The following FSTL4 variants were observed in gnomAD, a reference collection of about 807,000 sequenced individuals.
FSTL4 encodes the protein follistatin-related protein 4.
FSTL4 carries 28 observed loss-of-function variants against 78.2 expected under a neutral mutation model. The observed-to-expected ratio is 0.36, with a 90% CI of 0.27 to 0.49. The LOEUF (loss-of-function observed/expected upper bound fraction) is 0.49, where lower values mean the gene tolerates loss of function less well. Among genes scored for constraint, FSTL4 ranks in the 20% least tolerant of loss-of-function variants. The pLI is 0.98. For synonymous variants in FSTL4, 422 were observed against 440.5 expected, an observed-to-expected ratio of 0.96 and a Z score of 0.53; for missense variants, 922 against 1,084.9, an observed-to-expected ratio of 0.85 and a Z score of 2.11.
At chr5:133,837,873 T>A in the FSTL4 span, among the ~76,000 whole-genome samples, 1 of 151,820 alleles carries the variant, frequency 6.6e-6, no homozygotes, top group Non-Finnish European at 1.5e-5. Context: ...GGATTTCCTT[T>A]CTTTATTTTT....
intron 4 of FSTL4, among the ~76,000 whole-genome samples, chr5:133,368,023 A>G (rs1294247177): frequency 6.6e-6 from 1 of 152,272 alleles, no homozygotes; most frequent in Non-Finnish European, 1.5e-5. Context: ...GCCTCTGCAT[A>G]AGAAAGATAC....
chr5:133,368,933 G>C (rs1265132865), intron 4 of FSTL4, among the ~76,000 whole-genome samples: 1 of 152,206 alleles, frequency 6.6e-6, no homozygotes. Flanking sequence ...TTTTCCTAGT[G>C]CCAACTGGCT....
the FSTL4 span, among the ~76,000 whole-genome samples, chr5:133,701,617 G>A: frequency 2.6e-5 from 4 of 151,932 alleles, no homozygotes; most frequent in South Asian, 2.1e-4. Context: ...ACTGTTCATC[G>A]CTGGTTCTTA....
At chr5:133,211,782 T>C (rs1464400249) in intron 13 of FSTL4, among the ~76,000 whole-genome samples, 1 of 152,176 alleles carries the variant, frequency 6.6e-6, no homozygotes, top group Non-Finnish European at 1.5e-5. Context: ...TCTTCTCTCT[T>C]TCACTGGAAT....
At chr5:133,635,645 C>T in the FSTL4 span, among the ~76,000 whole-genome samples, 2 of 152,188 alleles carry the variant, frequency 1.3e-5, no homozygotes, top group African/African-American at 2.4e-5. Flanking sequence ...TGCCTGTAAT[C>T]CCAGCTATTT....
intron 3 of FSTL4, among the ~76,000 whole-genome samples, chr5:133,515,036 G>GA (rs1214264530): frequency 6.6e-6 from 1 of 151,980 alleles, no homozygotes; most frequent in Non-Finnish European, 1.5e-5. Flanking sequence ...CCTAAGAAAA[G>GA]AAAATTAACA....
Position 133,224,257 on chromosome 5 carries a change from G to A in FSTL4, c.1313-41C>T, listed in dbSNP as rs2126792613. 3 of 1,571,510 alleles carry A rather than the reference G, an allele frequency of 1.9e-6. No individual in the cohort carries two copies. In the South Asian group the frequency reaches 3.3e-5, roughly 18 times the overall value. On this transcript the variant is annotated intron_variant, in intron 10 of 15. Transcript: ENST00000265342. ...ATGAGGAAAGCAGGAGTGTGATGGAGTCAAGGAAAAAGAAGAAAGCAGTGT... is the reference window on the plus strand; with the variant it reads ...ATGAGGAAAGCAGGAGTGTGATGGAATCAAGGAAAAAGAAGAAAGCAGTGT...
rs1235540335 is a variant in FSTL4, at chr5:133,400,771, T to C, written c.376A>G (p.Thr126Ala). 1 of 1,613,992 alleles carries C rather than the reference T, an allele frequency of 6.2e-7. No homozygotes were observed. Among genetic ancestry groups the C allele is most frequent in the Non-Finnish European group, 8.5e-7 (1 of 1,180,012 alleles). The change falls in exon 4 of 16, where the codon ACC becomes GCC. Residue 126 changes from threonine (T) to alanine (A), a missense_variant. Physicochemically the swap from Thr to Ala is moderately conservative, Grantham distance 58. Coordinates refer to ENST00000265342, the MANE Select transcript of FSTL4 (RefSeq NM_015082.2). ...RAACLLGKRI[T>A]VIHSKDCFLK... ...AAACAGTCCTTGCTGTGGATGACGG[T>C]GATCCTCTTTCCCAGGAGGCAAGCA...
chr5:133,642,154 G>A, the FSTL4 span, among the ~76,000 whole-genome samples: 1 of 152,138 alleles, frequency 6.6e-6, no homozygotes, highest in Admixed American at 6.5e-5. Flanking sequence ...GTGAGGAAAT[G>A]GGATCAGAGA....
intron 3 of FSTL4, among the ~76,000 whole-genome samples, chr5:133,489,103 C>A (rs573985496): frequency 1.3e-5 from 2 of 152,222 alleles, no homozygotes; most frequent in Non-Finnish European, 2.9e-5. Flanking sequence ...GGTGCCACTA[C>A]TAATCAGGCC....
Position 133,603,931 on chromosome 5 carries a change from G to A in FSTL4, c.53C>T (p.Pro18Leu), listed in dbSNP as rs908432319. 21 of 1,613,148 alleles carry A rather than the reference G, an allele frequency of 1.3e-5. No homozygotes were observed. The highest frequency in any genetic ancestry group is 2.2e-5 in the East Asian group (1 of 44,888). The change falls in exon 2 of 16, where the codon CCG (proline) becomes CTG (leucine). Residue 18 changes from proline (P) to leucine (L), a missense_variant. Coordinates refer to ENST00000265342, the MANE Select transcript of FSTL4 (RefSeq NM_015082.2). Reference protein sequence around the residue: ...LHLTLLGASLPAALGWMDPGT... With the variant: ...LHLTLLGASLLAALGWMDPGT... Reference sequence around the variant, plus strand: ...TGGGTCCATCCATCCCAGCGCAGCCGGCAGGGAGGCTCCGAGCAGTGTGAG... The same window carrying A: ...TGGGTCCATCCATCCCAGCGCAGCCAGCAGGGAGGCTCCGAGCAGTGTGAG...
the FSTL4 span, among the ~76,000 whole-genome samples, chr5:133,729,290 T>C: frequency 4.6e-5 from 7 of 152,006 alleles, no homozygotes; most frequent in Admixed American, 1.3e-4. Flanking sequence ...GCCATATAAC[T>C]GAAGGGCTTT....
Position 133,225,149 on chromosome 5 carries a change from C to T in FSTL4, c.1312+1G>A. The T allele has an allele frequency of 1.2e-6, 2 of 1,614,190 alleles. No homozygotes were observed. The highest frequency in any genetic ancestry group is 1.7e-6 in the Non-Finnish European group (2 of 1,180,036). On this transcript the variant is annotated splice_donor_variant, in intron 10 of 15. Transcript: ENST00000265342. LOFTEE classifies it high-confidence loss of function. This position sits in a 1 kb window ranked among gnomAD's most constrained non-coding sequence, Gnocchi z 4.6. ...AGAAGCATAAACGCGTGTCGACTTA[C>T]GGGTCTTTCTAGCTGAGTCTTCAAT...
At chr5:133,527,717 A>G (rs1352480844) in intron 3 of FSTL4, among the ~76,000 whole-genome samples, 1 of 152,198 alleles carries the variant, frequency 6.6e-6, no homozygotes, top group Non-Finnish European at 1.5e-5. Context: ...CTTATTTGGA[A>G]ACATGAAGGT....
At chr5:133,579,456 G>A (rs961055793) in intron 2 of FSTL4, among the ~76,000 whole-genome samples, 2 of 152,102 alleles carry the variant, frequency 1.3e-5, no homozygotes, top group African/African-American at 2.4e-5. Context: ...ACCAGCTGTC[G>A]ATCGAACAAG....
chr5:133,521,461 T>G (rs1212490061), intron 3 of FSTL4, among the ~76,000 whole-genome samples: 1 of 152,124 alleles, frequency 6.6e-6, no homozygotes, highest in African/African-American at 2.4e-5. Flanking sequence ...TCATGAGGAC[T>G]TGCAAGCTCA....
the FSTL4 span, among the ~76,000 whole-genome samples, chr5:133,723,890 C>T: frequency 0.4 from 60,871 of 152,056 alleles, 15,114 homozygotes; most frequent in African/African-American, 0.7. Flanking sequence ...GCTGGGGAAA[C>T]GGAGAAGCTC....
At chr5:133,594,038 C>G (rs181731227) in intron 2 of FSTL4, among the ~76,000 whole-genome samples, 69 of 152,234 alleles carry the variant, frequency 4.5e-4, no homozygotes, top group Non-Finnish European at 4.0e-4. Context: ...AGATTTAAGT[C>G]AACCAGATGT....
At chr5:133,368,354 A>C (rs1755221252) in intron 4 of FSTL4, among the ~76,000 whole-genome samples, 1 of 152,216 alleles carries the variant, frequency 6.6e-6, no homozygotes, top group South Asian at 2.1e-4. Flanking sequence ...GTATTGTCAC[A>C]CACCAGTGCT....
Sources: allele counts gnomAD v4.1 joint callset (sites outside exome capture counted in the v4.1 genomes callset), GRCh38; gene constraint gnomAD v4.1.1; non-coding constraint Gnocchi (gnomAD v3.1); transcripts MANE v1.5; gene names NCBI Gene and HGNC (gene_info 2026-07-23, HGNC 2026-07-21).